The following LRRC7 variants were observed in gnomAD, a reference collection of about 807,000 sequenced individuals.
LRRC7 encodes the protein leucine-rich repeat-containing protein 7.
LRRC7 carries 23 observed loss-of-function variants against 175.7 expected under a neutral mutation model. That is an observed-to-expected ratio of 0.13 (90% CI 0.09 to 0.19). The LOEUF (loss-of-function observed/expected upper bound fraction) is 0.19. Ranked by LOEUF, LRRC7 falls within the 10% of genes least tolerant of loss-of-function variation. The pLI is 1.00. For synonymous variants in LRRC7, 685 were observed against 680.9 expected, an observed-to-expected ratio of 1.01 and a Z score of -0.09; for missense variants, 1,354 against 1,904.7, an observed-to-expected ratio of 0.71 and a Z score of 5.38.
intron 3 of LRRC7, among the ~76,000 whole-genome samples, chr1:69,760,968 C>CAT (rs1438547170): frequency 6.6e-6 from 1 of 151,654 alleles, no homozygotes; most frequent in Non-Finnish European, 1.5e-5. Flanking sequence ...CATACACACA[C>CAT]ACACACACAC....
intron 7 of LRRC7, chr1:69,919,219 G>T: frequency 2.9e-6 from 1 of 339,468 alleles, no homozygotes; most frequent in Non-Finnish European, 5.3e-6. Context: ...GCAGTCCATA[G>T]GGTGTCATTC....
chr1:69,613,980 T>C (rs541229098), intron 1 of LRRC7, among the ~76,000 whole-genome samples: 3 of 152,000 alleles, frequency 2.0e-5, no homozygotes, highest in African/African-American at 7.2e-5. Flanking sequence ...TAAGAAAATA[T>C]AATAATATTT....
intron 8 of LRRC7, among the ~76,000 whole-genome samples, chr1:69,978,672 C>T (rs1052982612): frequency 9.9e-5 from 15 of 152,164 alleles, no homozygotes; most frequent in Non-Finnish European, 1.9e-4. Flanking sequence ...CTATTGCAAG[C>T]ACAGGCTAAA....
At chr1:69,892,608 G>A (rs77436644) in intron 7 of LRRC7, among the ~76,000 whole-genome samples, 176 of 152,184 alleles carry the variant, frequency 1.2e-3, no homozygotes, top group Non-Finnish European at 2.1e-3. Flanking sequence ...AACTGATTTA[G>A]CCTATAAGTT....
At chr1:70,114,266 C>A (rs1172671486) in intron 26 of LRRC7, among the ~76,000 whole-genome samples, 1 of 152,116 alleles carries the variant, frequency 6.6e-6, no homozygotes, top group Admixed American at 6.5e-5. Context: ...GAGGAATAAT[C>A]ACATAACTTT....
At chr1:69,809,815 A>G (rs1335214860) in intron 4 of LRRC7, among the ~76,000 whole-genome samples, 1 of 152,116 alleles carries the variant, frequency 6.6e-6, no homozygotes, top group Non-Finnish European at 1.5e-5. Flanking sequence ...CACAGCCATT[A>G]TACTGAATGG....
chr1:69,623,019 T>A (rs76888295), intron 1 of LRRC7, among the ~76,000 whole-genome samples: 288 of 152,282 alleles, frequency 1.9e-3, no homozygotes, highest in African/African-American at 6.6e-3. Context: ...GCTGGGGATG[T>A]TCAGAGTATC....
chr1:69,692,767 C>T (rs1043243223), intron 2 of LRRC7, among the ~76,000 whole-genome samples: 1 of 152,114 alleles, frequency 6.6e-6, no homozygotes. Context: ...TGTATGTAAA[C>T]TTGACTGGGC....
intron 3 of LRRC7, among the ~76,000 whole-genome samples, chr1:69,766,468 T>C (rs2100968485): frequency 6.6e-6 from 1 of 152,324 alleles, no homozygotes; most frequent in Non-Finnish European, 1.5e-5. Flanking sequence ...GGTGAAGTTC[T>C]TGCTTCCTAT....
At chr1:69,793,687 A>G (rs1013525496) in intron 4 of LRRC7, among the ~76,000 whole-genome samples, 5 of 151,380 alleles carry the variant, frequency 3.3e-5, no homozygotes, top group Admixed American at 3.3e-4. Flanking sequence ...TTATTTATCT[A>G]TTGTCTGGAA....
chr1:69,824,806 T>C (rs1679712283), intron 4 of LRRC7, among the ~76,000 whole-genome samples: 1 of 152,194 alleles, frequency 6.6e-6, no homozygotes, highest in African/African-American at 2.4e-5. Context: ...AAAGGCCAGT[T>C]CTTTTTGAAA....
intron 4 of LRRC7, among the ~76,000 whole-genome samples, chr1:69,799,981 G>A (rs1676273847): frequency 6.6e-6 from 1 of 151,952 alleles, no homozygotes; most frequent in South Asian, 2.1e-4. Flanking sequence ...TTTCCCAGCA[G>A]CATTTATTGA....
chr1:69,669,801 G>A (rs1658803727), intron 1 of LRRC7, among the ~76,000 whole-genome samples: 2 of 152,020 alleles, frequency 1.3e-5, no homozygotes, highest in Non-Finnish European at 2.9e-5. Flanking sequence ...TCAAAAGGCT[G>A]TTTTCATGCT....
At chr1:69,926,656 T>C (rs1446416613) in intron 7 of LRRC7, among the ~76,000 whole-genome samples, 2 of 151,796 alleles carry the variant, frequency 1.3e-5, no homozygotes, top group African/African-American at 4.8e-5. Flanking sequence ...TTTCCATTTG[T>C]TTGGTAGATC....
At chr1:69,992,625 T>C (rs568496485) in intron 10 of LRRC7, among the ~76,000 whole-genome samples, 1 of 152,302 alleles carries the variant, frequency 6.6e-6, no homozygotes, top group South Asian at 2.1e-4. Context: ...GGATGGAATA[T>C]GAGTGTTGGC....
Position 69,800,776 on chromosome 1 carries a change from T to A in LRRC7, c.421+8616T>A, listed in dbSNP as rs574855813. Among the ~76,000 whole-genome samples, 4 of 152,018 alleles carry A rather than the reference T, an allele frequency of 2.6e-5. No individual in the cohort carries two copies. In the South Asian group the frequency reaches 8.3e-4, roughly 31 times the overall value. Reference sequence around the variant, plus strand: ...CTGGCTAGGACTTCTAATACTATATTGAAGAGAGTAGTGAAAGTGGGCATT... The same window carrying A: ...CTGGCTAGGACTTCTAATACTATATAGAAGAGAGTAGTGAAAGTGGGCATT... On this transcript the variant is annotated intron_variant, in intron 4 of 26. Coordinates refer to ENST00000651989, the MANE Select transcript of LRRC7 (RefSeq NM_001370785.2).
chr1:69,664,751 GGTT>G (rs1434847595), intron 1 of LRRC7, among the ~76,000 whole-genome samples: 3 of 151,996 alleles, frequency 2.0e-5, no homozygotes, highest in African/African-American at 7.3e-5. Context: ...CAATTCTGTG[GGTT>G]GTTGTTTCAC....
At chr1:69,800,598 A>T (rs187712286) in intron 4 of LRRC7, among the ~76,000 whole-genome samples, 54 of 152,012 alleles carry the variant, frequency 3.6e-4, no homozygotes, top group Non-Finnish European at 7.2e-4. Context: ...TGTATCCCGA[A>T]ATTTTGCTGA....
At chr1:70,106,479 C>T (rs1665151935) in intron 25 of LRRC7, among the ~76,000 whole-genome samples, 1 of 152,094 alleles carries the variant, frequency 6.6e-6, no homozygotes, top group African/African-American at 2.4e-5. Context: ...ATACTTTATT[C>T]CATTCTATTG....
Sources: allele counts gnomAD v4.1 joint callset (sites outside exome capture counted in the v4.1 genomes callset), GRCh38; gene constraint gnomAD v4.1.1; transcripts MANE v1.5; gene names NCBI Gene and HGNC (gene_info 2026-07-23, HGNC 2026-07-21).